KLK9: variants seen among roughly 807,000 people sequenced by gnomAD.
The protein encoded by KLK9 is kallikrein-9.
A neutral mutation model predicts 23.3 loss-of-function variants in KLK9; 26 were observed. The ratio of observed to expected loss-of-function variants is 1.12; its 90% CI spans 0.82 to 1.55. The LOEUF is 1.55. Among genes scored for constraint, KLK9 ranks in the 40% most tolerant of loss-of-function variants. The pLI is 0.00. For missense variants in KLK9, 346 were observed against 333.7 expected (o/e 1.04, Z -0.29); for synonymous variants, 122 against 128.5 (o/e 0.95, Z 0.34).
At position 51,003,102 on chromosome 19, in the gene KLK9, C is replaced by T. The variant is rs749762518; in HGVS notation, c.*9G>A. On this transcript the variant is annotated 3_prime_UTR_variant, in exon 5 of 5. Coordinates refer to ENST00000594211, the MANE Select transcript of KLK9 (RefSeq NM_012315.2). ...TTGGTCTTCCAAGGTGCCCCCGTGG[C>T]GCGCGGGCTCAGTTCTCCATGATTT... 6.2e-7 allele frequency: 1 copy of T among 1,601,750 alleles called. No homozygotes were observed. The highest frequency in any genetic ancestry group is 8.5e-7 in the Non-Finnish European group (1 of 1,173,016).
chr19:51,005,197 A>G (rs2091251042), intron 3 of KLK9, among the ~76,000 whole-genome samples: 1 of 152,156 alleles, frequency 6.6e-6, no homozygotes, highest in African/African-American at 2.4e-5. Context: ...CACTGACCCA[A>G]TTTGGCTAAT....
rs2091257266 is a variant in KLK9 at position 51,006,736 on chromosome 19, G to T, written c.201-13C>A. ...GACCCACAGATACCTGCTGGGACAG[G>T]CCTCAGAGGTCAAGCTGGGGGAAAG... On this transcript the variant is annotated splice_polypyrimidine_tract_variant and intron_variant, in intron 2 of 4. Transcript: ENST00000594211. The surrounding 1 kb of genome is among the most constrained non-coding windows in gnomAD (Gnocchi z 4.1). The T allele has an allele frequency of 2.6e-6, 4 of 1,552,456 alleles. No homozygotes were observed. The South Asian group carries it at 4.9e-5, about 19-fold the overall frequency.
chr19:51,003,947 C>T (rs2091245734), intron 3 of KLK9, 107 bp from the exon 4 acceptor site: 1 of 831,970 alleles, frequency 1.2e-6, no homozygotes, highest in Non-Finnish European at 2.0e-6. Flanking sequence ...AATGGAGCCA[C>T]ATTTAGGACT....
At position 51,006,083 on chromosome 19, in the gene KLK9, C is replaced by T. The variant is rs571167764; in HGVS notation, c.466+375G>A. ...AAGCTGCAATGAGCCGTGATCACAC[C>T]GCTGCACTCCAGCCTGAGCAACAAA... On this transcript the variant is annotated intron_variant, in intron 3 of 4. Transcript: ENST00000594211. This position sits in a 1 kb window ranked among gnomAD's most constrained non-coding sequence, Gnocchi z 4.1. Among the ~76,000 whole-genome samples the T allele has an allele frequency of 2.0e-5, 3 of 151,504 alleles. No individual in the cohort carries two copies. Among genetic ancestry groups the T allele is most frequent in the East Asian group, 1.9e-4 (1 of 5,188 alleles).
rs186334167 is a variant in KLK9 at position 51,002,885 on chromosome 19, G to T, written c.*226C>A. On this transcript the variant is annotated 3_prime_UTR_variant, in exon 5 of 5. Coordinates refer to ENST00000594211, the MANE Select transcript of KLK9 (RefSeq NM_012315.2). ...GCTGTCGGTGACGTCATAGAGACGG[G>T]CTCTGAAGGGCGTGTCCCTGCTCCG... 6.2e-6 allele frequency: 3 copies of T among 485,784 alleles called. No homozygotes were observed. The Admixed American group carries it at 1.1e-4, about 18-fold the overall frequency. The allele number at this position is 485,784 out of a possible 1,614,324, so 30.1% of individuals were successfully genotyped here.
Position 51,009,474 on chromosome 19 carries a change from C to T in KLK9, c.43+31G>A, listed in dbSNP as rs754402433. 5.6e-6 allele frequency: 9 copies of T among 1,598,484 alleles called. No individual in the cohort carries two copies. The East Asian group carries it at 8.9e-5, about 16-fold the overall frequency. On this transcript the variant is annotated intron_variant, in intron 1 of 4. Transcript: ENST00000594211. The surrounding 1 kb of genome is among the most constrained non-coding windows in gnomAD (Gnocchi z 4.8). ...AAGAGCAAGGTGACCTTAGTACAGC[C>T]GTGAAGGGGCAGCCAGCCTGGGAGC...
Position 51,003,166 on chromosome 19 carries a change from A to AG in KLK9, c.697_698insC (p.Val233AlafsTer10). 6.2e-7 allele frequency: 1 copy of AG among 1,612,796 alleles called. No homozygotes were observed. Among genetic ancestry groups the AG allele is most frequent in the Admixed American group, 1.7e-5 (1 of 59,982 alleles). ...AAGGTAGTGGCATACGCTGGTGTAG[A>AG]CTGCGGGGCGCCGGGGTCTGGAGCA... On this transcript the variant is annotated frameshift_variant, in exon 5 of 5. Transcript: ENST00000594211. LOFTEE classifies it high-confidence loss of function.
chr19:51,009,164 G>A lies in KLK9; in HGVS notation c.200+19C>T, dbSNP rs1185376490. On this transcript the variant is annotated intron_variant, in intron 2 of 4. Transcript: ENST00000594211. This position sits in a 1 kb window ranked among gnomAD's most constrained non-coding sequence, Gnocchi z 4.8. The stretch of plus-strand genomic sequence containing the variant: ...CCAGCCTCTGTCCCTCCCCAGCATG[G>A]CCAGCCTGGGTCACTCACGGCTTGC... 1 of 1,601,286 alleles carries A rather than the reference G, an allele frequency of 6.2e-7. No homozygotes were observed. Among genetic ancestry groups the A allele is most frequent in the Admixed American group, 1.7e-5 (1 of 58,934 alleles).
chr19:51,004,616 C>T (rs1338392952), intron 3 of KLK9, among the ~76,000 whole-genome samples: 2 of 149,330 alleles, frequency 1.3e-5, no homozygotes, highest in Non-Finnish European at 1.5e-5. Context: ...AGGAGGATCA[C>T]TTAAAACCCA....
Position 51,006,548 on chromosome 19 carries a change from C to A in KLK9, c.376G>T (p.Ala126Ser). Residue 126 changes from alanine (A) to serine (S), a missense_variant, in exon 3 of 5, where the codon GCT (alanine) becomes TCT (serine). By Grantham distance (99) the Ala-to-Ser change is moderately conservative. Coordinates refer to ENST00000594211, the MANE Select transcript of KLK9 (RefSeq NM_012315.2). The surrounding 1 kb of genome is among the most constrained non-coding windows in gnomAD (Gnocchi z 4.1). Reference protein sequence around the residue: ...RLPRQARLSPAVQPLNLSQTC... With the variant: ...RLPRQARLSPSVQPLNLSQTC... ...TGGCTGAGGTTGAGGGGCTGCACAG[C>A]AGGACTCAGACGTGCCTGCCTGGGC... 6.2e-7 allele frequency: 1 copy of A among 1,613,288 alleles called. No individual in the cohort carries two copies. Among genetic ancestry groups the A allele is most frequent in the Non-Finnish European group, 8.5e-7 (1 of 1,179,488 alleles).
Position 51,009,323 on chromosome 19 carries a change from G to C in KLK9, c.60C>G (p.Asp20Glu). Residue 20 changes from aspartate to glutamate, a missense_variant, in exon 2 of 5, where the codon GAC becomes GAG. Asp to Glu is a conservative substitution (Grantham distance 45). Transcript: ENST00000594211. This position sits in a 1 kb window ranked among gnomAD's most constrained non-coding sequence, Gnocchi z 4.8. The part of the protein sequence containing the change: ...LSLLAGHGWA[D>E]TRAIGAEECR... ...ATTCCTCGGCCCCGATGGCACGGGT[G>C]TCTGCCCAGCCATGCCCTGGGGTGG... The C allele has an allele frequency of 1.3e-6, 2 of 1,588,320 alleles. No individual in the cohort carries two copies. Among genetic ancestry groups the C allele is most frequent in the Non-Finnish European group, 8.6e-7 (1 of 1,167,160 alleles).
Position 51,003,008 on chromosome 19 carries a change from G to C in KLK9, c.*103C>G. The C allele has an allele frequency of 7.3e-7, 1 of 1,372,494 alleles. No individual in the cohort carries two copies. The highest frequency in any genetic ancestry group is 9.8e-7 in the Non-Finnish European group (1 of 1,020,474). 85.0% of individuals were successfully genotyped at this position (1,372,494 alleles called of 1,614,324 possible). On this transcript the variant is annotated 3_prime_UTR_variant, in exon 5 of 5. Coordinates refer to ENST00000594211, the MANE Select transcript of KLK9 (RefSeq NM_012315.2). ...CCAGAGGGGAGTCAGGGCAGCTGGAGGTCCAGGGCGGGAACCATTGAGGCT... is the reference window on the plus strand; with the variant it reads ...CCAGAGGGGAGTCAGGGCAGCTGGACGTCCAGGGCGGGAACCATTGAGGCT...
chr19:51,009,253 T>G lies in KLK9; in HGVS notation c.130A>C (p.Thr44Pro). The G allele has an allele frequency of 1.2e-6, 2 of 1,609,574 alleles. No individual in the cohort carries two copies. Among genetic ancestry groups the G allele is most frequent in the Non-Finnish European group, 1.7e-6 (2 of 1,178,782 alleles). Residue 44 changes from threonine (T) to proline (P), a missense_variant, in exon 2 of 5, where the codon ACT becomes CCT. Physicochemically the swap from Thr to Pro is conservative, Grantham distance 38. Coordinates refer to ENST00000594211, the MANE Select transcript of KLK9 (RefSeq NM_012315.2). This position sits in a 1 kb window ranked among gnomAD's most constrained non-coding sequence, Gnocchi z 4.8. ...QPWQAGLFHL[T>P]RLFCGATLIS... ...AGGGTCGCCCCACAGAAGAGCCGAG[T>G]AAGGTGGAAGAGGCCGGCCTGCCAA...
At position 51,006,213 on chromosome 19, in the gene KLK9, G is replaced by A. The variant is rs2091254874; in HGVS notation, c.466+245C>T. Among the ~76,000 whole-genome samples the A allele has an allele frequency of 6.6e-6, 1 of 151,814 alleles. No homozygotes were observed. The highest frequency in any genetic ancestry group is 2.1e-4 in the South Asian group (1 of 4,832). On this transcript the variant is annotated intron_variant, in intron 3 of 4. Transcript: ENST00000594211. This position sits in a 1 kb window ranked among gnomAD's most constrained non-coding sequence, Gnocchi z 4.1. ...TGTTATATAATCAATGGGATCTAATGGGATCTTTCCTCCTCCTCCTTTTTT... is the reference window on the plus strand; with the variant it reads ...TGTTATATAATCAATGGGATCTAATAGGATCTTTCCTCCTCCTCCTTTTTT...
chr19:51,009,209 C>A lies in KLK9; in HGVS notation c.174G>T (p.Leu58=). 6.2e-7 allele frequency: 1 copy of A among 1,608,992 alleles called. No individual in the cohort carries two copies. Among genetic ancestry groups the A allele is most frequent in the Non-Finnish European group, 8.5e-7 (1 of 1,179,002 alleles). The change falls in exon 2 of 5, where the codon CTG becomes CTT. Residue 58 remains leucine (L), a synonymous_variant. Transcript: ENST00000594211. This position sits in a 1 kb window ranked among gnomAD's most constrained non-coding sequence, Gnocchi z 4.8. ...CGATLISDRW[L]LTAAHCRKPY... is the part of the protein sequence containing the mutation. The stretch of plus-strand genomic sequence containing the variant: ...GCTTGCGGCAGTGGGCAGCTGTGAG[C>A]AGCCAGCGGTCACTGATGAGGGTCG...
intron 3 of KLK9, among the ~76,000 whole-genome samples, chr19:51,005,200 T>A (rs115883102): frequency 0.014 from 2,148 of 152,290 alleles, 41 homozygotes; most frequent in African/African-American, 0.048. Flanking sequence ...TGACCCAATT[T>A]GGCTAATGGG....
At chr19:51,007,461 T>A (rs1380977098) in intron 2 of KLK9, among the ~76,000 whole-genome samples, 7 of 151,942 alleles carry the variant, frequency 4.6e-5, no homozygotes, top group Middle Eastern at 3.4e-3. Context: ...AACATCTGTG[T>A]CTGTCTCTCT....
Position 51,006,360 on chromosome 19 carries a change from G to A in KLK9, c.466+98C>T. On this transcript the variant is annotated intron_variant, in intron 3 of 4. Transcript: ENST00000594211. The surrounding 1 kb of genome is among the most constrained non-coding windows in gnomAD (Gnocchi z 4.1). ...ATTGGCAGATAGATAGACTGACAGAGAGAGAGAGGAGAGAGAAAAGGAGAA... is the reference window on the plus strand; with the variant it reads ...ATTGGCAGATAGATAGACTGACAGAAAGAGAGAGGAGAGAGAAAAGGAGAA... 8.6e-7 allele frequency: 1 copy of A among 1,160,620 alleles called. No individual in the cohort carries two copies. The highest frequency in any genetic ancestry group is 1.2e-6 in the Non-Finnish European group (1 of 839,508). 71.9% of individuals were successfully genotyped at this position (1,160,620 alleles called of 1,614,324 possible). A position where few individuals can be genotyped will look rare whatever the true frequency, so the allele number is the denominator to read the frequency against.
intron 3 of KLK9, among the ~76,000 whole-genome samples, chr19:51,004,703 T>TA (rs35720453): frequency 0.22 from 27,132 of 126,038 alleles, 4,011 homozygotes; most frequent in African/African-American, 0.44. Context: ...CTCAGTCTCT[T>TA]AAAAAAAAAA....
Sources: gnomAD v4.1 joint callset for allele counts (sites outside exome capture counted in the v4.1 genomes callset) on GRCh38, gnomAD v4.1.1 for gene constraint, Gnocchi (gnomAD v3.1) non-coding constraint, MANE v1.5 for transcripts, NCBI Gene and HGNC (gene_info 2026-07-23, HGNC 2026-07-21) for gene names.